The following SLC16A12 variants were observed in gnomAD, a reference collection of about 807,000 sequenced individuals.
The protein encoded by SLC16A12 is solute carrier family 16 member 12.
SLC16A12 carries 17 observed loss-of-function variants against 42.4 expected under a neutral mutation model. The observed-to-expected ratio is 0.40, with a 90% CI of 0.27 to 0.60. The LOEUF is 0.60. SLC16A12 is among the 20% of genes least tolerant of loss of function. The pLI, the probability that SLC16A12 is intolerant of heterozygous loss-of-function variation, is 0.42. For synonymous variants in SLC16A12, 224 were observed against 229.4 expected (o/e 0.98, Z 0.21); for missense variants, 544 against 623.0 (o/e 0.87, Z 1.35).
At chr10:89,519,885 CG>C (rs1383475753) in intron 2 of SLC16A12, among the ~76,000 whole-genome samples, 2 of 152,000 alleles carry the variant, frequency 1.3e-5, no homozygotes, top group African/African-American at 4.8e-5. Context: ...GAGGCTGAGG[CG>C]GGCAGATCAC....
chr10:89,477,307 G>A (rs1291417598), intron 2 of SLC16A12, among the ~76,000 whole-genome samples: 3 of 152,164 alleles, frequency 2.0e-5, no homozygotes, highest in African/African-American at 7.2e-5. Context: ...GCTCACGCCT[G>A]TAATCCCAGC....
intron 2 of SLC16A12, among the ~76,000 whole-genome samples, chr10:89,478,059 G>A (rs1345375139): frequency 1.3e-5 from 2 of 152,206 alleles, no homozygotes; most frequent in Admixed American, 1.3e-4. Context: ...TATCATGATA[G>A]TGTTGGAGAA....
intron 2 of SLC16A12, among the ~76,000 whole-genome samples, chr10:89,473,098 C>T (rs1842526391): frequency 6.7e-6 from 1 of 149,484 alleles, no homozygotes; most frequent in African/African-American, 2.5e-5. Context: ...GGATTACAGG[C>T]ATAAGTCACT....
At chr10:89,462,662 C>G (rs1564577252) in intron 2 of SLC16A12, 38 bp from the exon 3 acceptor site, 4 of 1,506,444 alleles carry the variant, frequency 2.7e-6, no homozygotes, top group Non-Finnish European at 3.5e-6. Context: ...TATCTTATTG[C>G]TATGTCCAAA....
Position 89,436,199 on chromosome 10 carries a change from A to G in SLC16A12, c.1149T>C (p.Phe383=). Residue 383 remains phenylalanine, a synonymous_variant, in exon 7 of 8, where the codon TTT becomes TTC. Coordinates refer to ENST00000371790, the MANE Select transcript of SLC16A12 (RefSeq NM_213606.4). ...LPLLVPFSCT[F]GYFDGAYVTL... is the part of the protein sequence containing the mutation. ...TCACATAGGCACCATCAAAGTAGCC[A>G]AAGGTACAAGAGAAAGGCACGAGCA... The G allele has an allele frequency of 6.2e-7, 1 of 1,614,148 alleles. No homozygotes were observed. The highest frequency in any genetic ancestry group is 8.5e-7 in the Non-Finnish European group (1 of 1,180,000).
intron 3 of SLC16A12, among the ~76,000 whole-genome samples, chr10:89,453,534 G>C (rs1317912042): frequency 6.6e-6 from 1 of 151,980 alleles, no homozygotes; most frequent in African/African-American, 2.4e-5. Flanking sequence ...ACTTACCATT[G>C]TGTTACAATT....
At chr10:89,436,967 G>C (rs772870830) in intron 6 of SLC16A12, among the ~76,000 whole-genome samples, 2 of 152,070 alleles carry the variant, frequency 1.3e-5, no homozygotes, top group Non-Finnish European at 2.9e-5. Flanking sequence ...ACAAATTTGT[G>C]TTGGACCACA....
intron 3 of SLC16A12, among the ~76,000 whole-genome samples, chr10:89,455,199 A>T (rs148519296): frequency 4.5e-4 from 68 of 152,296 alleles, no homozygotes; most frequent in African/African-American, 1.2e-3. Flanking sequence ...GAAGCTGGAG[A>T]TGTAAGAGGA....
upstream of SLC16A12, among the ~76,000 whole-genome samples, chr10:89,539,877 C>CTTTCTTTCTTTCTTTA (rs1843702028): frequency 4.9e-5 from 7 of 144,142 alleles, no homozygotes; most frequent in Admixed American, 4.1e-4. Context: ...TTCTTTCTTT[C>CTTTCTTTCTTTCTTTA]TTTCTTTCTT....
At chr10:89,440,488 T>C (rs1841888628) in intron 5 of SLC16A12, among the ~76,000 whole-genome samples, 1 of 152,220 alleles carries the variant, frequency 6.6e-6, no homozygotes. Context: ...GAGTTGGCGC[T>C]ACTCTCCACA....
chr10:89,451,660 C>A (rs1239499113), intron 3 of SLC16A12, among the ~76,000 whole-genome samples: 1 of 152,094 alleles, frequency 6.6e-6, no homozygotes, highest in African/African-American at 2.4e-5. Flanking sequence ...GATCTGCCCA[C>A]CTCGGCCTCC....
intron 3 of SLC16A12, among the ~76,000 whole-genome samples, chr10:89,458,854 A>C (rs1842243343): frequency 6.6e-6 from 1 of 152,188 alleles, no homozygotes; most frequent in Non-Finnish European, 1.5e-5. Flanking sequence ...CCTTCCTATA[A>C]ATTGCAATGT....
intron 2 of SLC16A12, among the ~76,000 whole-genome samples, chr10:89,515,139 A>G (rs1843228850): frequency 6.6e-6 from 1 of 151,954 alleles, no homozygotes. Context: ...CAAAAAAAAA[A>G]GAAAAGAAAA....
chr10:89,440,690 A>G (rs1467614251), intron 5 of SLC16A12, among the ~76,000 whole-genome samples: 3 of 152,256 alleles, frequency 2.0e-5, no homozygotes, highest in Non-Finnish European at 4.4e-5. Context: ...TTTTAAAATT[A>G]GAAACTCCCA....
chr10:89,433,436 A>C, intron 7 of SLC16A12, 110 bp from the exon 8 acceptor site: 1 of 1,144,238 alleles, frequency 8.7e-7, no homozygotes, highest in Non-Finnish European at 1.3e-6. Flanking sequence ...AGCACCACCA[A>C]TTGTAACTTT....
chr10:89,546,881 C>T (rs1163235922), intron 2 of SLC16A12, among the ~76,000 whole-genome samples: 1 of 152,138 alleles, frequency 6.6e-6, no homozygotes, highest in Admixed American at 6.5e-5. Flanking sequence ...ATGTTTTTTG[C>T]AGGGACATGG....
intron 2 of SLC16A12, among the ~76,000 whole-genome samples, chr10:89,494,642 C>T (rs537814563): frequency 3.3e-5 from 5 of 152,128 alleles, no homozygotes; most frequent in East Asian, 1.9e-4. Flanking sequence ...TTTTGGAAGC[C>T]GGAAAGTGAA....
intron 2 of SLC16A12, among the ~76,000 whole-genome samples, chr10:89,511,079 AAC>A (rs2133838321): frequency 6.6e-6 from 1 of 152,068 alleles, no homozygotes; most frequent in Non-Finnish European, 1.5e-5. Flanking sequence ...GTCAGGAAAC[AAC>A]AGATGCTGGA....
chr10:89,510,313 C>A (rs1337937247), intron 2 of SLC16A12, among the ~76,000 whole-genome samples: 7 of 152,188 alleles, frequency 4.6e-5, no homozygotes, highest in African/African-American at 1.2e-4. Context: ...CTGGAGGCAT[C>A]CTGCTACCTG....
Sources: gnomAD v4.1 joint callset for allele counts (sites outside exome capture counted in the v4.1 genomes callset) on GRCh38, gnomAD v4.1.1 for gene constraint, MANE v1.5 for transcripts, NCBI Gene and HGNC (gene_info 2026-07-23, HGNC 2026-07-21) for gene names.